Variants in CMTM8 observed in about 807,000 individuals in gnomAD.
CMTM8 encodes the protein CKLF-like MARVEL transmembrane domain-containing protein 8.
A neutral mutation model predicts 18.6 loss-of-function variants in CMTM8; 12 were observed. That is an observed-to-expected ratio of 0.65 (90% CI 0.41 to 1.05). CMTM8 has a LOEUF of 1.05. Ranked by LOEUF, CMTM8 falls within the 50% of genes least tolerant of loss-of-function variation. CMTM8 has a pLI of 0.00. For missense variants in CMTM8, 217 were observed against 227.2 expected, an observed-to-expected ratio of 0.95 and a Z score of 0.29; for synonymous variants, 87 against 90.6, an observed-to-expected ratio of 0.96 and a Z score of 0.23.
At chr3:32,244,937 C>A (rs1701990776) in intron 1 of CMTM8, among the ~76,000 whole-genome samples, 1 of 152,076 alleles carries the variant, frequency 6.6e-6, no homozygotes, top group Non-Finnish European at 1.5e-5. Context: ...GTAGTATGAG[C>A]CTTTTAAACT....
chr3:32,267,447 A>C (rs145340282), intron 1 of CMTM8, among the ~76,000 whole-genome samples: 9,754 of 152,246 alleles, frequency 0.064, 748 homozygotes, highest in East Asian at 0.43. Context: ...TACAAAAATT[A>C]ATTCAAAATG....
chr3:32,340,116 C>T (rs141361555), intron 1 of CMTM8, among the ~76,000 whole-genome samples: 31 of 152,296 alleles, frequency 2.0e-4, no homozygotes, highest in Non-Finnish European at 4.0e-4. Flanking sequence ...TTCCAGGCAA[C>T]GTCTGGTACT....
At chr3:32,311,319 A>T (rs540827991) in intron 1 of CMTM8, among the ~76,000 whole-genome samples, 5 of 152,384 alleles carry the variant, frequency 3.3e-5, no homozygotes, top group African/African-American at 1.2e-4. Context: ...TTCACTTGTG[A>T]ACTGTCTATA....
rs556568308 is a variant in CMTM8, at chr3:32,314,371, G to C, written c.148-43002G>C. On this transcript the variant is annotated intron_variant, in intron 1 of 3. Transcript: ENST00000307526. ...CAGTGGCTGCTCTGCAGAAATTGAG[G>C]GAGGGTTGATGCAAGTTCCTAGTTC... Among the ~76,000 whole-genome samples the C allele has an allele frequency of 2.0e-5, 3 of 152,306 alleles. No individual in the cohort carries two copies. In the South Asian group the frequency reaches 6.2e-4, roughly 32 times the overall value.
intron 1 of CMTM8, among the ~76,000 whole-genome samples, chr3:32,295,172 T>C (rs1033811912): frequency 4.6e-5 from 7 of 150,800 alleles, no homozygotes; most frequent in African/African-American, 1.7e-4. Flanking sequence ...ACTGAGGATT[T>C]AGGCTGGGCA....
At chr3:32,302,181 C>G (rs994968858) in intron 1 of CMTM8, among the ~76,000 whole-genome samples, 3 of 151,818 alleles carry the variant, frequency 2.0e-5, no homozygotes, top group African/African-American at 7.3e-5. Flanking sequence ...CGTGTCATAA[C>G]TACTTGGAGG....
At chr3:32,353,783 A>ATTT (rs1386181699) in intron 1 of CMTM8, among the ~76,000 whole-genome samples, 2 of 128,292 alleles carry the variant, frequency 1.6e-5, no homozygotes, top group African/African-American at 5.4e-5. Flanking sequence ...CTTCTGTGTT[A>ATTT]ATTTTTTTTT....
At chr3:32,279,190 T>TTA (rs398051768) in intron 1 of CMTM8, among the ~76,000 whole-genome samples, 20 of 150,004 alleles carry the variant, frequency 1.3e-4, no homozygotes, top group African/African-American at 4.7e-4. Flanking sequence ...ATTTTTTTTT[T>TTA]ATTATACTTT....
chr3:32,309,300 ATTTTTTT>A (rs4038996), intron 1 of CMTM8, among the ~76,000 whole-genome samples: 16 of 96,436 alleles, frequency 1.7e-4, no homozygotes, highest in African/African-American at 5.4e-4. Context: ...CAATTTACCA[ATTTTTTT>A]TTTTTTTTTT....
intron 1 of CMTM8, among the ~76,000 whole-genome samples, chr3:32,275,289 C>T (rs1290415373): frequency 1.3e-5 from 2 of 151,972 alleles, no homozygotes; most frequent in African/African-American, 4.8e-5. Flanking sequence ...TGCTGCTTTT[C>T]TGCAAGCTAA....
chr3:32,332,108 A>C (rs144362565), intron 1 of CMTM8, among the ~76,000 whole-genome samples: 71 of 152,334 alleles, frequency 4.7e-4, no homozygotes, highest in African/African-American at 1.7e-3. Context: ...TTGTGAGGCA[A>C]CTGTAAAATA....
chr3:32,369,884 T>G lies in CMTM8; in HGVS notation c.439T>G (p.Phe147Val). The G allele has an allele frequency of 6.2e-7, 1 of 1,606,628 alleles. No homozygotes were observed. Among genetic ancestry groups the G allele is most frequent in the Non-Finnish European group, 8.5e-7 (1 of 1,174,340 alleles). The change falls in exon 4 of 4, where the codon TTC (phenylalanine) becomes GTC (valine). Residue 147 changes from phenylalanine to valine, a missense_variant and splice_region_variant. Physicochemically the swap from Phe to Val is conservative, Grantham distance 50 (BLOSUM62 -1). Transcript: ENST00000307526. ...HNFNSWAASS[F>V]FAFLVTICYA... ...TTCTATTATGCTTTGTTTTCTCCAG[T>G]TCTTTGCCTTCCTGGTCACCATCTG... is the stretch of plus-strand genomic sequence containing the variant.
chr3:32,314,469 T>C (rs887488432), intron 1 of CMTM8, among the ~76,000 whole-genome samples: 5 of 131,748 alleles, frequency 3.8e-5, no homozygotes, highest in Non-Finnish European at 8.1e-5. Context: ...GTAGGCAGAG[T>C]AAGCCAGAAA....
intron 1 of CMTM8, among the ~76,000 whole-genome samples, chr3:32,277,399 C>G (rs1259412992): frequency 1.3e-5 from 2 of 150,756 alleles, no homozygotes; most frequent in African/African-American, 2.5e-5. Context: ...TTTTTATTTT[C>G]CTTTTTTTTT....
chr3:32,259,027 C>A, intron 1 of CMTM8: 1 of 347,638 alleles, frequency 2.9e-6, no homozygotes, highest in South Asian at 2.7e-5. Context: ...TCCAGCCAGT[C>A]AGCAGTGCAG....
intron 1 of CMTM8, among the ~76,000 whole-genome samples, chr3:32,295,034 G>A (rs899609519): frequency 1.3e-5 from 2 of 151,978 alleles, no homozygotes; most frequent in Admixed American, 1.3e-4. Flanking sequence ...CAGCCTGGGT[G>A]ACAGAGCAAG....
intron 1 of CMTM8, among the ~76,000 whole-genome samples, chr3:32,338,226 C>T (rs1050147757): frequency 6.6e-6 from 1 of 152,100 alleles, no homozygotes; most frequent in East Asian, 1.9e-4. Flanking sequence ...TTGTGATCTG[C>T]CCGCCTCGGC....
intron 1 of CMTM8, among the ~76,000 whole-genome samples, chr3:32,319,074 A>ATATTTTTTTTTTTTTTTT: frequency 6.3e-5 from 2 of 31,530 alleles, no homozygotes; most frequent in Non-Finnish European, 1.0e-4. Flanking sequence ...ATATATATAT[A>ATATTTTTTTTTTTTTTTT]TTTTTTTTTT....
intron 1 of CMTM8, among the ~76,000 whole-genome samples, chr3:32,245,672 T>C (rs893194332): frequency 2.6e-5 from 4 of 152,216 alleles, no homozygotes; most frequent in Non-Finnish European, 2.9e-5. Context: ...TGGGGAAGGA[T>C]AAATAGGGTT....
Sources: gnomAD v4.1 joint callset for allele counts (sites outside exome capture counted in the v4.1 genomes callset) on GRCh38, gnomAD v4.1.1 for gene constraint, MANE v1.5 for transcripts, NCBI Gene and HGNC (gene_info 2026-07-23, HGNC 2026-07-21) for gene names.